The following CACNA2D3 variants were observed in gnomAD, a reference collection of about 807,000 sequenced individuals.
CACNA2D3 encodes the protein voltage-dependent calcium channel subunit alpha-2/delta-3.
A neutral mutation model predicts 160.6 loss-of-function variants in CACNA2D3; 60 were observed. That is an observed-to-expected ratio of 0.37 (90% CI 0.30 to 0.46). The LOEUF is 0.46. CACNA2D3 is among the 20% of genes least tolerant of loss of function. CACNA2D3 has a pLI of 1.00. For synonymous variants in CACNA2D3, 558 were observed against 492.9 expected, an observed-to-expected ratio of 1.13 and a Z score of -1.75; for missense variants, 1,205 against 1,365.0, an observed-to-expected ratio of 0.88 and a Z score of 1.85.
intron 10 of CACNA2D3, chr3:54,632,290 T>C (rs567251087): frequency 3.8e-4 from 58 of 152,368 alleles, no homozygotes; most frequent in African/African-American, 1.4e-3. Flanking sequence ...TCTTCTTTTT[T>C]CCTCTCTTTC....
At chr3:54,293,079 G>A (rs1184308468) in intron 2 of CACNA2D3, among the ~76,000 whole-genome samples, 3 of 152,166 alleles carry the variant, frequency 2.0e-5, no homozygotes, top group Non-Finnish European at 4.4e-5. Context: ...GACACAAAAG[G>A]ACAAACATTG....
At chr3:54,230,037 C>G (rs1289761289) in intron 2 of CACNA2D3, among the ~76,000 whole-genome samples, 1 of 150,380 alleles carries the variant, frequency 6.6e-6, no homozygotes, top group Non-Finnish European at 1.5e-5. Flanking sequence ...GAAGCGTTGC[C>G]AAAGGTAATT....
At chr3:54,825,184 G>C (rs544267527) in intron 14 of CACNA2D3, among the ~76,000 whole-genome samples, 1 of 152,262 alleles carries the variant, frequency 6.6e-6, no homozygotes, top group Non-Finnish European at 1.5e-5. Context: ...AAACATCTGA[G>C]TAAAAACAAT....
rs549384749 is a variant in CACNA2D3, at chr3:54,813,021, A to G, written c.1381-3832A>G. On this transcript the variant is annotated intron_variant, in intron 13 of 37. Transcript: ENST00000474759. ...TTATCTTCATCATTTCCTCTCCTTCATCCCCTTCTGAATACACATTCTCCA... is the reference window on the plus strand; with the variant it reads ...TTATCTTCATCATTTCCTCTCCTTCGTCCCCTTCTGAATACACATTCTCCA... Among the ~76,000 whole-genome samples, 6 of 152,178 alleles carry G rather than the reference A, an allele frequency of 3.9e-5. No individual in the cohort carries two copies. In the South Asian group the frequency reaches 1.2e-3, roughly 32 times the overall value.
chr3:54,668,093 A>G (rs920023873), intron 11 of CACNA2D3, among the ~76,000 whole-genome samples: 2 of 152,246 alleles, frequency 1.3e-5, no homozygotes, highest in Non-Finnish European at 2.9e-5. Context: ...AAGAAAAACT[A>G]TTTTAAGAGC....
intron 17 of CACNA2D3, among the ~76,000 whole-genome samples, chr3:54,865,600 C>T (rs1699383613): frequency 1.3e-5 from 2 of 152,236 alleles, no homozygotes; most frequent in African/African-American, 4.8e-5. Flanking sequence ...TTCGCCTTGA[C>T]CTTGAGACAA....
intron 2 of CACNA2D3, among the ~76,000 whole-genome samples, chr3:54,161,606 A>C (rs1015260286): frequency 6.6e-6 from 1 of 152,352 alleles, no homozygotes; most frequent in East Asian, 1.9e-4. Context: ...TAAGCCAAGG[A>C]CCTTAAAAAG....
At chr3:54,677,937 A>AG (rs1700274164) in intron 11 of CACNA2D3, among the ~76,000 whole-genome samples, 1 of 152,172 alleles carries the variant, frequency 6.6e-6, no homozygotes, top group Non-Finnish European at 1.5e-5. Context: ...TAGAGTCCTG[A>AG]GGGACACATG....
intron 11 of CACNA2D3, among the ~76,000 whole-genome samples, chr3:54,744,176 G>T (rs372648247): frequency 6.6e-6 from 1 of 152,156 alleles, no homozygotes; most frequent in South Asian, 2.1e-4. Context: ...GCTGATATCT[G>T]CTCTGCACAA....
intron 8 of CACNA2D3, among the ~76,000 whole-genome samples, chr3:54,579,766 G>A (rs970915962): frequency 6.6e-6 from 1 of 152,154 alleles, no homozygotes; most frequent in African/African-American, 2.4e-5. Flanking sequence ...CCTTCATATT[G>A]AACTCTGCAG....
chr3:55,033,830 A>ATATGTATT lies in CACNA2D3; in HGVS notation c.2987+15516_2987+15517insGTATTTAT, dbSNP rs1559469603. ...ATGTATTATATATTAAATATATTTA[A>ATATGTATT]TATATAATATATATTACATATTAAA... On this transcript the variant is annotated intron_variant, in intron 35 of 37. Transcript: ENST00000474759. Among the ~76,000 whole-genome samples, 2 of 47,910 alleles carry ATATGTATT rather than the reference A, an allele frequency of 4.2e-5. 1 individual carries two copies. Among genetic ancestry groups the ATATGTATT allele is most frequent in the African/African-American group, 1.7e-4 (2 of 11,762 alleles). The allele number at this position is 47,910 out of a possible 152,430, so 31.4% of individuals were successfully genotyped here.
chr3:55,009,604 G>A (rs1703167299), intron 34 of CACNA2D3, among the ~76,000 whole-genome samples, 161 bp downstream of exon 34: 1 of 152,204 alleles, frequency 6.6e-6, no homozygotes, highest in South Asian at 2.1e-4. Context: ...GCTAAGTGCT[G>A]TGCTATCTAG....
intron 2 of CACNA2D3, among the ~76,000 whole-genome samples, chr3:54,302,073 G>A (rs1703489406): frequency 6.6e-6 from 1 of 152,208 alleles, no homozygotes; most frequent in Non-Finnish European, 1.5e-5. Flanking sequence ...GCATCTGTAA[G>A]TTAGCATTGG....
intron 25 of CACNA2D3, chr3:54,894,618 G>A: frequency 1.9e-6 from 1 of 516,242 alleles, no homozygotes; most frequent in Non-Finnish European, 3.9e-6. Flanking sequence ...CAGACCTGCT[G>A]GGAGTGCGAA....
chr3:54,933,657 A>G (rs1701261148), intron 27 of CACNA2D3, among the ~76,000 whole-genome samples: 2 of 152,226 alleles, frequency 1.3e-5, no homozygotes, highest in African/African-American at 4.8e-5. Context: ...ACAACTCACT[A>G]GACATTAAGT....
chr3:54,948,818 TG>T (rs1233581881), intron 27 of CACNA2D3, among the ~76,000 whole-genome samples: 1 of 152,228 alleles, frequency 6.6e-6, no homozygotes, highest in Non-Finnish European at 1.5e-5. Context: ...CAGTTGCATC[TG>T]TCAGGAGCTG....
chr3:54,308,922 A>AG (rs1213145499), intron 2 of CACNA2D3, among the ~76,000 whole-genome samples: 1 of 152,254 alleles, frequency 6.6e-6, no homozygotes, highest in Non-Finnish European at 1.5e-5. Flanking sequence ...ATCTATATGA[A>AG]GTAGTGCAGG....
At chr3:54,882,611 A>T (rs1228263368) in intron 21 of CACNA2D3, among the ~76,000 whole-genome samples, 1 of 152,186 alleles carries the variant, frequency 6.6e-6, no homozygotes. Flanking sequence ...ATGAGGTCAT[A>T]TCTTCCTCTC....
chr3:54,416,232 C>T (rs749301000), intron 4 of CACNA2D3, among the ~76,000 whole-genome samples: 4 of 152,176 alleles, frequency 2.6e-5, no homozygotes, highest in Non-Finnish European at 5.9e-5. Context: ...TATTAACTCC[C>T]AGGTCACTTG....
Sources: gnomAD v4.1 joint callset for allele counts (sites outside exome capture counted in the v4.1 genomes callset) on GRCh38, gnomAD v4.1.1 for gene constraint, MANE v1.5 for transcripts, NCBI Gene and HGNC (gene_info 2026-07-23, HGNC 2026-07-21) for gene names.